The following PCDHA2 variants were observed in gnomAD, a reference collection of about 807,000 sequenced individuals.
PCDHA2 encodes the protein protocadherin alpha 2, also known as protocadherin alpha-2.
PCDHA2 carries 58 observed loss-of-function variants against 66.0 expected under a neutral mutation model. That is an observed-to-expected ratio of 0.88 (90% confidence interval 0.71 to 1.09). The LOEUF (loss-of-function observed/expected upper bound fraction) is 1.09, where lower values mean the gene tolerates loss of function less well. Among genes scored for constraint, PCDHA2 ranks in the 50% least tolerant of loss-of-function variants. The pLI is 0.00. For synonymous variants in PCDHA2, 634 were observed against 554.0 expected, an observed-to-expected ratio of 1.14 and a Z score of -2.03; for missense variants, 1,267 against 1,242.3, an observed-to-expected ratio of 1.02 and a Z score of -0.30.
At chr5:140,843,593 G>C in intron 1 of PCDHA2, 1 of 1,596,072 alleles carries the variant, frequency 6.3e-7, no homozygotes, top group Non-Finnish European at 8.6e-7. Context: ...GCCGCAGAGG[G>C]TGTGCTCTGG....
chr5:140,836,612 C>G, intron 1 of PCDHA2: 2 of 1,613,634 alleles, frequency 1.2e-6, no homozygotes, highest in Non-Finnish European at 1.7e-6. Flanking sequence ...TGTGCTCCAG[C>G]GCGGTGGGGA....
chr5:140,901,168 C>G (rs782138220), intron 1 of PCDHA2, among the ~76,000 whole-genome samples: 8 of 152,010 alleles, frequency 5.3e-5, no homozygotes, highest in Non-Finnish European at 8.8e-5. Flanking sequence ...GTTGTCTCTT[C>G]ACTTTGTTGA....
intron 1 of PCDHA2, chr5:140,829,634 G>C (rs2150171830): frequency 4.0e-5 from 64 of 1,612,200 alleles, no homozygotes; most frequent in South Asian, 6.6e-5. Flanking sequence ...CGCGGAGAGC[G>C]GCAAGGTGTA....
chr5:140,879,687 CA>C (rs1343612878), intron 1 of PCDHA2, among the ~76,000 whole-genome samples: 1 of 152,156 alleles, frequency 6.6e-6, no homozygotes, highest in Non-Finnish European at 1.5e-5. Context: ...TGTAAAACAG[CA>C]AAAGTTTATT....
At position 140,869,155 on chromosome 5, in the gene PCDHA2, C is replaced by G. The variant is rs74664704; in HGVS notation, c.2388+71803C>G. On this transcript the variant is annotated intron_variant, in intron 1 of 3. Transcript: ENST00000526136. The stretch of plus-strand genomic sequence containing the variant: ...GGGCACCCCACGACTACAGCTCTGG[C>G]TTCTCCTCCTCGAATTCTGGGAGGT... 3.7e-4 allele frequency: 593 copies of G among 1,613,808 alleles called. 1 individual carries two copies. In the African/African-American group the frequency reaches 7.1e-3, roughly 19 times the overall value.
rs2098415057 is a variant in PCDHA2, at chr5:141,009,865, A to G, written c.2775A>G (p.Lys925=). ...AGGAGGAGACCAAGAAAAAGAAGAAAAAGAAGAAGGGTAACAAGACCCAGG... is the reference window on the plus strand; with the variant it reads ...AGGAGGAGACCAAGAAAAAGAAGAAGAAGAAGAAGGGTAACAAGACCCAGG... ...GKKEETKKKK[K]KKKGNKTQEK... The change falls in exon 4 of 4, where the codon AAA becomes AAG. Residue 925 remains lysine, a synonymous_variant. Transcript: ENST00000526136. The G allele has an allele frequency of 6.2e-7, 1 of 1,614,076 alleles. No homozygotes were observed.
intron 1 of PCDHA2, among the ~76,000 whole-genome samples, chr5:140,902,858 C>T (rs1275375548): frequency 6.6e-6 from 1 of 152,110 alleles, no homozygotes; most frequent in African/African-American, 2.4e-5. Context: ...AAATGGCGTC[C>T]AGGTCCACCC....
At chr5:140,850,185 G>T (rs1554143929) in intron 1 of PCDHA2, 3 of 1,593,776 alleles carry the variant, frequency 1.9e-6, no homozygotes, top group Non-Finnish European at 2.6e-6. Flanking sequence ...CAATGCGCCG[G>T]CGCTGCTGAC....
chr5:140,808,999 C>A (rs17844283), intron 1 of PCDHA2: 1 of 1,613,708 alleles, frequency 6.2e-7, no homozygotes. Flanking sequence ...CGGGCTACAA[C>A]GCGTGGCTTT....
intron 1 of PCDHA2, among the ~76,000 whole-genome samples, chr5:140,956,087 C>T (rs2095255787): frequency 6.6e-6 from 1 of 152,178 alleles, no homozygotes; most frequent in Admixed American, 6.5e-5. Context: ...ATCATGTCAT[C>T]TGCAAACAAA....
chr5:140,957,254 A>T (rs2095344725), intron 1 of PCDHA2, among the ~76,000 whole-genome samples: 1 of 152,192 alleles, frequency 6.6e-6, no homozygotes, highest in Non-Finnish European at 1.5e-5. Flanking sequence ...TAAAATTTAA[A>T]TATGTAAGCA....
chr5:140,870,201 G>C lies in PCDHA2; in HGVS notation c.2388+72849G>C, dbSNP rs370139733. 2.5e-4 allele frequency: 410 copies of C among 1,614,022 alleles called. 1 individual carries two copies. Among genetic ancestry groups the C allele is most frequent in the Non-Finnish European group, 5.8e-5 (69 of 1,180,034 alleles). ...TACGAGAGGACGCTCAGCCCAGCAC[G>C]GTCATTGCCCTGATCAGCGTGTCTG... On this transcript the variant is annotated intron_variant, in intron 1 of 3. Coordinates refer to ENST00000526136, the MANE Select transcript of PCDHA2 (RefSeq NM_018905.3).
At chr5:140,852,787 T>G in intron 1 of PCDHA2, 1 of 977,880 alleles carries the variant, frequency 1.0e-6, no homozygotes, top group Non-Finnish European at 1.2e-6. Context: ...AATAGAGGGA[T>G]GCTACAGATG....
chr5:140,939,565 A>G (rs560033193), intron 1 of PCDHA2, among the ~76,000 whole-genome samples: 24 of 152,096 alleles, frequency 1.6e-4, no homozygotes, highest in African/African-American at 5.8e-4. Flanking sequence ...TAGTTTGGTT[A>G]ATCAAAATGG....
rs2150355874 is a variant in PCDHA2, at chr5:140,843,244, C to G, written c.2388+45892C>G. 38 of 1,595,906 alleles carry G rather than the reference C, an allele frequency of 2.4e-5. 6 individuals carry two copies. The Middle Eastern group carries it at 6.6e-4, about 28-fold the overall frequency. On this transcript the variant is annotated intron_variant, in intron 1 of 3. Transcript: ENST00000526136. ...CCACTCGTGTCCTGGACGAAGCGGA[C>G]TCTCCGCGCCACCGTCTGCTGGTCC...
chr5:140,966,909 T>C, intron 1 of PCDHA2: 1 of 1,601,466 alleles, frequency 6.2e-7, no homozygotes, highest in Non-Finnish European at 8.5e-7. Context: ...CGATACTCTG[T>C]GCCAGAGGAG....
intron 1 of PCDHA2, among the ~76,000 whole-genome samples, chr5:140,872,587 A>AC (rs777810037): frequency 6.0e-4 from 91 of 152,014 alleles, no homozygotes; most frequent in Middle Eastern, 3.4e-3. Flanking sequence ...TCATCGTGAG[A>AC]CCCCCATCTG....
intron 1 of PCDHA2, among the ~76,000 whole-genome samples, chr5:140,819,677 T>C (rs2150104870): frequency 6.6e-6 from 1 of 152,220 alleles, no homozygotes; most frequent in South Asian, 2.1e-4. Context: ...TTGATCACTG[T>C]AGCACAAATG....
chr5:140,809,450 A>C, intron 1 of PCDHA2: 1 of 1,614,192 alleles, frequency 6.2e-7, no homozygotes, highest in Non-Finnish European at 8.5e-7. Context: ...GCAGCAGAGG[A>C]GGCCGAGGGT....
Sources: allele counts gnomAD v4.1 joint callset (sites outside exome capture counted in the v4.1 genomes callset), GRCh38; gene constraint gnomAD v4.1.1; transcripts MANE v1.5; gene names NCBI Gene and HGNC (gene_info 2026-07-23, HGNC 2026-07-21).